The following NYAP2 variants were observed in gnomAD, a reference collection of about 807,000 sequenced individuals.
NYAP2 encodes the protein neuronal tyrosine-phosphorylated phosphoinositide-3-kinase adapter 2.
In NYAP2, 23 loss-of-function variants were observed where a neutral mutation model predicts 50.4. The observed-to-expected ratio is 0.46, with a 90% CI of 0.33 to 0.65. NYAP2 has a LOEUF of 0.65. Among genes scored for constraint, NYAP2 ranks in the 30% least tolerant of loss-of-function variants. The pLI, the probability that NYAP2 is intolerant of heterozygous loss-of-function variation, is 0.02. For missense variants in NYAP2, 885 were observed against 861.0 expected (o/e 1.03, Z -0.35); for synonymous variants, 394 against 365.2 (o/e 1.08, Z -0.90).
downstream of NYAP2, among the ~76,000 whole-genome samples, chr2:225,658,605 A>C (rs545881210): frequency 6.6e-6 from 1 of 152,316 alleles, no homozygotes; most frequent in South Asian, 2.1e-4. Flanking sequence ...CAAGTGCAAA[A>C]AATATATAAA....
At chr2:225,608,711 A>G (rs986669036) in intron 5 of NYAP2, among the ~76,000 whole-genome samples, 2 of 152,126 alleles carry the variant, frequency 1.3e-5, no homozygotes, top group Admixed American at 6.6e-5. Context: ...TCTCTACCAC[A>G]CAGTGACTTT....
At chr2:225,686,804 G>T in the NYAP2 span, among the ~76,000 whole-genome samples, 1 of 152,084 alleles carries the variant, frequency 6.6e-6, no homozygotes, top group African/African-American at 2.4e-5. Flanking sequence ...TGTGGTTATT[G>T]TGCCTAGGAT....
the NYAP2 span, among the ~76,000 whole-genome samples, chr2:225,681,794 A>G: frequency 6.6e-6 from 1 of 152,232 alleles, no homozygotes; most frequent in Non-Finnish European, 1.5e-5. Flanking sequence ...AGTTCTATCC[A>G]CTTATTTGCT....
the NYAP2 span, among the ~76,000 whole-genome samples, chr2:225,672,829 T>A: frequency 6.6e-6 from 1 of 151,902 alleles, no homozygotes; most frequent in African/African-American, 2.4e-5. Flanking sequence ...GGATATTTGG[T>A]TGGTGGAGCA....
At position 225,582,966 on chromosome 2, in the gene NYAP2, C is replaced by T. The variant is rs563650514; in HGVS notation, c.1549C>T (p.Leu517Phe). The T allele has an allele frequency of 5.3e-5, 86 of 1,612,408 alleles. No homozygotes were observed. Among genetic ancestry groups the T allele is most frequent in the Admixed American group, 1.2e-4 (7 of 59,976 alleles). ...GAGCCCGCTGGAGGAGCTGACCAGC[C>T]TCTTCTCCTCCGGCCGCAGCCTGCT... Residue 517 changes from leucine (L) to phenylalanine (F), a missense_variant, in exon 5 of 7, where the codon CTC becomes TTC. Transcript: ENST00000636099. This position sits in a 1 kb window ranked among gnomAD's most constrained non-coding sequence, Gnocchi z 7.0.
At chr2:225,650,184 T>G (rs1174120534) in intron 6 of NYAP2, among the ~76,000 whole-genome samples, 1 of 151,858 alleles carries the variant, frequency 6.6e-6, no homozygotes, top group Non-Finnish European at 1.5e-5. Flanking sequence ...AGTGGAGGAG[T>G]GGAAGGCAAT....
chr2:225,609,482 A>G (rs1176994362), intron 5 of NYAP2, among the ~76,000 whole-genome samples: 2 of 152,194 alleles, frequency 1.3e-5, no homozygotes, highest in Non-Finnish European at 2.9e-5. Context: ...ACTCAAGGAA[A>G]GAAGACAGCC....
the NYAP2 span, among the ~76,000 whole-genome samples, chr2:225,675,215 C>T: frequency 1.3e-5 from 2 of 152,016 alleles, no homozygotes; most frequent in South Asian, 4.1e-4. Flanking sequence ...GATGCCGAGG[C>T]TTGAGGTCCC....
chr2:225,428,054 C>T (rs577480383), intron 3 of NYAP2, among the ~76,000 whole-genome samples: 1 of 152,222 alleles, frequency 6.6e-6, no homozygotes, highest in South Asian at 2.1e-4. Flanking sequence ...TTTGGAGGAT[C>T]TGATGGGTAT....
intron 3 of NYAP2, among the ~76,000 whole-genome samples, chr2:225,469,011 A>G (rs557238831): frequency 1.3e-5 from 2 of 152,344 alleles, no homozygotes; most frequent in South Asian, 4.1e-4. Context: ...GCCAAAATTG[A>G]CGAATGAGAT....
intron 3 of NYAP2, among the ~76,000 whole-genome samples, chr2:225,465,473 T>C (rs1689901748): frequency 6.6e-6 from 1 of 152,026 alleles, no homozygotes; most frequent in African/African-American, 2.4e-5. Flanking sequence ...TCACAGCACT[T>C]TGGGAGGCCG....
intron 3 of NYAP2, among the ~76,000 whole-genome samples, chr2:225,448,594 G>A (rs1455061813): frequency 6.6e-6 from 1 of 152,124 alleles, no homozygotes; most frequent in African/African-American, 2.4e-5. Flanking sequence ...CTTAATATAT[G>A]TATTTACATC....
intron 3 of NYAP2, among the ~76,000 whole-genome samples, chr2:225,505,219 AG>A (rs1387127433): frequency 1.3e-5 from 2 of 152,200 alleles, no homozygotes; most frequent in Non-Finnish European, 2.9e-5. Context: ...GTATCAATAA[AG>A]AGCCAGACAC....
At chr2:225,630,552 A>G (rs954259264) in intron 6 of NYAP2, among the ~76,000 whole-genome samples, 1 of 152,186 alleles carries the variant, frequency 6.6e-6, no homozygotes, top group African/African-American at 2.4e-5. Flanking sequence ...ATGGGCTTGT[A>G]GAGAACCCTT....
At chr2:225,633,934 G>A (rs540431320) in intron 6 of NYAP2, among the ~76,000 whole-genome samples, 72 of 152,312 alleles carry the variant, frequency 4.7e-4, no homozygotes, top group African/African-American at 1.7e-3. Context: ...ACCATTAGGT[G>A]GAAGCATGGA....
At chr2:225,664,648 C>T in the NYAP2 span, among the ~76,000 whole-genome samples, 1 of 151,942 alleles carries the variant, frequency 6.6e-6, no homozygotes, top group African/African-American at 2.4e-5. Context: ...GTGGTTGGAT[C>T]ACGAGGTCAG....
intron 6 of NYAP2, among the ~76,000 whole-genome samples, chr2:225,650,607 C>G (rs191756760): frequency 1.3e-5 from 2 of 152,230 alleles, no homozygotes; most frequent in Non-Finnish European, 1.5e-5. Flanking sequence ...TGTAACTCCT[C>G]ACAGAAGCTG....
chr2:225,402,162 T>C (rs1307028416), intron 2 of NYAP2, among the ~76,000 whole-genome samples: 1 of 151,980 alleles, frequency 6.6e-6, no homozygotes, highest in Non-Finnish European at 1.5e-5. Flanking sequence ...ATAGACAGTT[T>C]AGAGAATTAG....
At chr2:225,700,781 G>A in the NYAP2 span, 6 of 151,736 alleles carry the variant, frequency 4.0e-5, no homozygotes, top group Non-Finnish European at 5.9e-5. Flanking sequence ...ATGCAAGTGT[G>A]TTTTTCAGAT....
Sources: gnomAD v4.1 joint callset for allele counts (sites outside exome capture counted in the v4.1 genomes callset) on GRCh38, gnomAD v4.1.1 for gene constraint, Gnocchi (gnomAD v3.1) non-coding constraint, MANE v1.5 for transcripts, NCBI Gene and HGNC (gene_info 2026-07-23, HGNC 2026-07-21) for gene names.